The following DAPK1 variants were observed in gnomAD, a reference collection of about 807,000 sequenced individuals.
DAPK1 encodes the protein death associated protein kinase 1, also known as death-associated protein kinase 1.
In DAPK1, 56 loss-of-function variants were observed where a neutral mutation model predicts 144.9. The ratio of observed to expected loss-of-function variants is 0.39; its 90% CI spans 0.31 to 0.48. The LOEUF is 0.48. DAPK1 is among the 20% of genes least tolerant of loss of function. The pLI, the probability that DAPK1 is intolerant of heterozygous loss-of-function variation, is 0.95. For synonymous variants in DAPK1, 690 were observed against 749.0 expected (o/e 0.92, Z 1.29); for missense variants, 1,454 against 1,875.4 (o/e 0.78, Z 4.15).
chr9:87,536,066 T>A (rs1394927185), intron 2 of DAPK1, among the ~76,000 whole-genome samples: 1 of 152,200 alleles, frequency 6.6e-6, no homozygotes, highest in African/African-American at 2.4e-5. Flanking sequence ...TGCCAGCTGA[T>A]TCATTTATGT....
chr9:87,653,102 G>A (rs539277097), intron 17 of DAPK1, among the ~76,000 whole-genome samples: 55 of 142,436 alleles, frequency 3.9e-4, no homozygotes, highest in African/African-American at 9.8e-4. Context: ...CCCCGATCCC[G>A]GGTCCTGATT....
At chr9:87,498,255 T>G in intron 1 of DAPK1, 148 bp downstream of exon 1, 2 of 394,894 alleles carry the variant, frequency 5.1e-6, no homozygotes, top group Non-Finnish European at 4.5e-6. Flanking sequence ...CGGGGAGAAG[T>G]GCGATCGCAG....
At chr9:87,569,727 G>T (rs548742477) in intron 2 of DAPK1, among the ~76,000 whole-genome samples, 1 of 152,130 alleles carries the variant, frequency 6.6e-6, no homozygotes, top group African/African-American at 2.4e-5. Flanking sequence ...CTTTCCCTAC[G>T]AGAGGTCTTC....
intron 3 of DAPK1, among the ~76,000 whole-genome samples, chr9:87,636,867 ATCGCTATCG>A (rs1342503150): frequency 6.6e-6 from 1 of 152,172 alleles, no homozygotes; most frequent in African/African-American, 2.4e-5. Context: ...TTTGCCATTC[ATCGCTATCG>A]TGGAGTTTTT....
chr9:87,499,362 A>G (rs1824313045), intron 2 of DAPK1: 4 of 544,574 alleles, frequency 7.3e-6, no homozygotes, highest in Admixed American at 3.0e-5. Context: ...TATGATGCAC[A>G]GTATATTGAT....
At chr9:87,578,719 C>T (rs534121346) in intron 2 of DAPK1, among the ~76,000 whole-genome samples, 1 of 152,342 alleles carries the variant, frequency 6.6e-6, no homozygotes, top group Non-Finnish European at 1.5e-5. Flanking sequence ...GCCAAGTGTT[C>T]GTGCCCTTGA....
chr9:87,591,286 G>T lies in DAPK1; in HGVS notation c.63-13668G>T, dbSNP rs1338263893. Among the ~76,000 whole-genome samples the T allele has an allele frequency of 4.6e-5, 7 of 152,246 alleles. No homozygotes were observed. The East Asian group carries it at 1.3e-3, about 29-fold the overall frequency. On this transcript the variant is annotated intron_variant, in intron 2 of 25. Coordinates refer to ENST00000408954, the MANE Select transcript of DAPK1 (RefSeq NM_004938.4). ...CATGTAGGCAGCTCCCACAGGGCCA[G>T]TTGGGGCTTAGTAAAATAATCAGAG...
chr9:87,566,457 T>C (rs965129736), intron 2 of DAPK1, among the ~76,000 whole-genome samples: 5 of 152,106 alleles, frequency 3.3e-5, no homozygotes, highest in Non-Finnish European at 5.9e-5. Flanking sequence ...CTCAACAAAG[T>C]AGGGCCTCCA....
At chr9:87,654,673 A>T (rs557791946) in intron 17 of DAPK1, among the ~76,000 whole-genome samples, 7 of 152,302 alleles carry the variant, frequency 4.6e-5, no homozygotes, top group Admixed American at 4.6e-4. Context: ...TCCATCTAGG[A>T]TTCTTTAAAT....
chr9:87,562,197 G>T (rs1470307245), intron 2 of DAPK1, among the ~76,000 whole-genome samples: 1 of 152,216 alleles, frequency 6.6e-6, no homozygotes, highest in Non-Finnish European at 1.5e-5. Flanking sequence ...ATGGAACGAA[G>T]ACACAGCAGT....
intron 22 of DAPK1, 77 bp from the exon 23 acceptor site, chr9:87,698,579 C>G: frequency 2.3e-6 from 2 of 880,878 alleles, no homozygotes; most frequent in Non-Finnish European, 3.7e-6. Context: ...GAGGCCAACA[C>G]ACCGCCCTCA....
intron 19 of DAPK1, among the ~76,000 whole-genome samples, chr9:87,671,454 G>A (rs1824145672): frequency 6.6e-6 from 1 of 151,732 alleles, no homozygotes. Context: ...TTATCCTGTG[G>A]TCTTTTTCTC....
rs36204200 is a variant in DAPK1, at chr9:87,577,922, G to A, written c.63-27032G>A. On this transcript the variant is annotated intron_variant, in intron 2 of 25. Coordinates refer to ENST00000408954, the MANE Select transcript of DAPK1 (RefSeq NM_004938.4). ...TTCCCCTCCCCTCTTCCTAGGGTTGGGGATTGGAACTGGAGGAAGAATTAT... is the reference window on the plus strand; with the variant it reads ...TTCCCCTCCCCTCTTCCTAGGGTTGAGGATTGGAACTGGAGGAAGAATTAT... Among the ~76,000 whole-genome samples the A allele has an allele frequency of 4.7e-3, 711 of 152,276 alleles. 12 individuals carry two copies. Among genetic ancestry groups the A allele is most frequent in the African/African-American group, 0.016 (675 of 41,550 alleles).
chr9:87,609,247 C>T (rs1378229488), intron 3 of DAPK1, among the ~76,000 whole-genome samples: 3 of 152,196 alleles, frequency 2.0e-5, no homozygotes, highest in African/African-American at 7.2e-5. Flanking sequence ...ACTGAGTTGC[C>T]AGCTTGCCGA....
intron 2 of DAPK1, among the ~76,000 whole-genome samples, chr9:87,507,584 T>C (rs553469902): frequency 1.2e-4 from 18 of 152,226 alleles, no homozygotes; most frequent in African/African-American, 4.3e-4. Context: ...TAACCTAACA[T>C]ATAATTAGAG....
chr9:87,603,016 T>G (rs896827502), intron 2 of DAPK1, among the ~76,000 whole-genome samples: 1 of 152,136 alleles, frequency 6.6e-6, no homozygotes, highest in Non-Finnish European at 1.5e-5. Flanking sequence ...GTTGGAAGTC[T>G]CTGAGACAAG....
chr9:87,586,264 T>A (rs1827940021), intron 2 of DAPK1, among the ~76,000 whole-genome samples: 1 of 152,162 alleles, frequency 6.6e-6, no homozygotes, highest in Non-Finnish European at 1.5e-5. Flanking sequence ...CACTCCAGCC[T>A]GGGCAACAGA....
chr9:87,665,140 A>G (rs1416608937), intron 18 of DAPK1, among the ~76,000 whole-genome samples: 1 of 35,372 alleles, frequency 2.8e-5, no homozygotes, highest in Non-Finnish European at 5.4e-5. Context: ...CCCCTGCCCC[A>G]TTTTTCTTCA....
Position 87,497,957 on chromosome 9 carries a change from G to C in DAPK1, c.-259G>C. The C allele has an allele frequency of 2.5e-6, 1 of 396,852 alleles. No homozygotes were observed. The highest frequency in any genetic ancestry group is 4.4e-6 in the Non-Finnish European group (1 of 225,364). The allele number at this position is 396,852 out of a possible 1,614,324, so 24.6% of individuals were successfully genotyped here. On this transcript the variant is annotated 5_prime_UTR_variant, in exon 1 of 26. Coordinates refer to ENST00000408954, the MANE Select transcript of DAPK1 (RefSeq NM_004938.4). The stretch of plus-strand genomic sequence containing the variant: ...GGGACTCGGCAACTCGCAGCGGCAG[G>C]GTCTGGGGCCGGCGCCTGGGAGGGA...
Sources: gnomAD v4.1 joint callset for allele counts (sites outside exome capture counted in the v4.1 genomes callset) on GRCh38, gnomAD v4.1.1 for gene constraint, MANE v1.5 for transcripts, NCBI Gene and HGNC (gene_info 2026-07-23, HGNC 2026-07-21) for gene names.